ZNF362: variants seen among roughly 807,000 people sequenced by gnomAD.
The protein encoded by ZNF362 is zinc finger protein 362, also known as rotund homolog.
A neutral mutation model predicts 42.9 loss-of-function variants in ZNF362; 11 were observed. That is an observed-to-expected ratio of 0.26 (90% CI 0.16 to 0.42). The LOEUF is 0.42. Ranked by LOEUF, ZNF362 falls within the 20% of genes least tolerant of loss-of-function variation. The probability of loss-of-function intolerance (pLI) is 1.00; values close to 1 mark genes in which losing one functional copy is unlikely to be tolerated. For missense variants in ZNF362, 362 were observed against 576.2 expected (o/e 0.63, Z 3.81); for synonymous variants, 255 against 257.3 (o/e 0.99, Z 0.09).
At chr1:33,172,602 G>A in the ZNF362 span, among the ~76,000 whole-genome samples, 713 of 152,244 alleles carry the variant, frequency 4.7e-3, 7 homozygotes, top group African/African-American at 0.016. Context: ...TCAGAGGGTG[G>A]GGCTGTGGAG....
At chr1:33,152,307 C>T in the ZNF362 span, among the ~76,000 whole-genome samples, 20 of 152,248 alleles carry the variant, frequency 1.3e-4, no homozygotes, top group East Asian at 3.7e-3. Context: ...GGCTCACGCC[C>T]GTAATTCCAG....
At chr1:33,136,874 G>A in the ZNF362 span, among the ~76,000 whole-genome samples, 1 of 151,766 alleles carries the variant, frequency 6.6e-6, no homozygotes, top group East Asian at 2.0e-4. Flanking sequence ...GTGCGTGCTT[G>A]TAGTCCCAGC....
the ZNF362 span, chr1:33,142,185 G>A: frequency 6.6e-6 from 1 of 152,304 alleles, no homozygotes; most frequent in East Asian, 1.9e-4. Context: ...AACTGACCTT[G>A]TGGTGATGTG....
chr1:33,189,657 A>ACACG, the ZNF362 span, among the ~76,000 whole-genome samples: 3 of 102,010 alleles, frequency 2.9e-5, no homozygotes, highest in East Asian at 3.3e-4. Context: ...ATATATATAT[A>ACACG]TATATATATA....
chr1:33,159,743 G>T, the ZNF362 span: 392 of 1,612,914 alleles, frequency 2.4e-4, 2 homozygotes, highest in African/African-American at 4.7e-3. This position sits in a 1 kb window ranked among gnomAD's most constrained non-coding sequence, Gnocchi z 4.2. Flanking sequence ...GTTTCAGCCA[G>T]CCGCTCCTGC....
At chr1:33,287,405 G>T (rs911615519) in intron 6 of ZNF362, among the ~76,000 whole-genome samples, 10 of 152,210 alleles carry the variant, frequency 6.6e-5, no homozygotes, top group African/African-American at 1.9e-4. Context: ...AGGATTCCTT[G>T]AACCCAGGAG....
intron 6 of ZNF362, among the ~76,000 whole-genome samples, chr1:33,286,068 A>T (rs1316965287): frequency 6.6e-6 from 1 of 152,182 alleles, no homozygotes; most frequent in East Asian, 1.9e-4. Flanking sequence ...GTCTCAAAAA[A>T]CAAAAAAACA....
chr1:33,224,099 G>C, the ZNF362 span, among the ~76,000 whole-genome samples: 1 of 151,948 alleles, frequency 6.6e-6, no homozygotes, highest in Non-Finnish European at 1.5e-5. Flanking sequence ...TACTGAACAT[G>C]CAAAGAGACA....
rs1486346162 is a variant in ZNF362 at position 33,294,441 on chromosome 1, A to G, written c.909-496A>G. Among the ~76,000 whole-genome samples the G allele has an allele frequency of 6.6e-6, 1 of 152,180 alleles. No individual in the cohort carries two copies. The highest frequency in any genetic ancestry group is 2.4e-5 in the African/African-American group (1 of 41,442). On this transcript the variant is annotated intron_variant, in intron 6 of 8. Coordinates refer to ENST00000539719, the MANE Select transcript of ZNF362 (RefSeq NM_152493.3). The surrounding 1 kb of genome is among the most constrained non-coding windows in gnomAD (Gnocchi z 4.2). ...CATTCTCCCATTTACTGGGGTGACC[A>G]TGCAGCTGTCACGGAGATGTGCCTG...
chr1:33,205,271 C>T, the ZNF362 span, among the ~76,000 whole-genome samples: 1 of 151,192 alleles, frequency 6.6e-6, no homozygotes, highest in South Asian at 2.1e-4. Context: ...ATCACTTGAG[C>T]TCAGAAGTTC....
chr1:33,265,810 C>T (rs181737197), intron 1 of ZNF362, among the ~76,000 whole-genome samples: 3 of 152,120 alleles, frequency 2.0e-5, no homozygotes, highest in Non-Finnish European at 4.4e-5. Flanking sequence ...CCATGTCCCC[C>T]CTATGTTCTT....
At chr1:33,198,670 A>C in the ZNF362 span, among the ~76,000 whole-genome samples, 1 of 120,252 alleles carries the variant, frequency 8.3e-6, no homozygotes, top group Non-Finnish European at 1.8e-5. Flanking sequence ...CTGTATCAAA[A>C]ATTTAAAAAG....
chr1:33,248,174 A>G, the ZNF362 span, among the ~76,000 whole-genome samples: 1 of 152,216 alleles, frequency 6.6e-6, no homozygotes, highest in Admixed American at 6.5e-5. Flanking sequence ...CACAGGTACT[A>G]CTGGCCCATT....
the ZNF362 span, among the ~76,000 whole-genome samples, chr1:33,140,653 G>A: frequency 6.6e-5 from 10 of 152,198 alleles, no homozygotes; most frequent in Non-Finnish European, 1.2e-4. This position sits in a 1 kb window ranked among gnomAD's most constrained non-coding sequence, Gnocchi z 4.0. Flanking sequence ...ACTTACCTGG[G>A]ACTCCCTGCA....
At chr1:33,156,125 G>T in the ZNF362 span, among the ~76,000 whole-genome samples, 1 of 152,200 alleles carries the variant, frequency 6.6e-6, no homozygotes, top group Non-Finnish European at 1.5e-5. Flanking sequence ...CGCAGTCAAG[G>T]CTGGGCTGCA....
At chr1:33,254,549 G>A (rs1557783435), upstream of ZNF362, among the ~76,000 whole-genome samples, 2 of 152,178 alleles carry the variant, frequency 1.3e-5, no homozygotes, top group Non-Finnish European at 2.9e-5. Context: ...GAGTCTGTCT[G>A]TTTTTCTCAC....
the ZNF362 span, among the ~76,000 whole-genome samples, chr1:33,189,664 T>TACGTATATATATATACAC: frequency 1.0e-4 from 2 of 19,860 alleles, no homozygotes; most frequent in African/African-American, 2.2e-4. Context: ...TATATATATA[T>TACGTATATATATATACAC]ATATATATGT....
At chr1:33,139,776 A>AT in the ZNF362 span, among the ~76,000 whole-genome samples, 2 of 152,108 alleles carry the variant, frequency 1.3e-5, no homozygotes, top group African/African-American at 4.8e-5. Flanking sequence ...AGTGCTGAGG[A>AT]TGGGGGCAAG....
chr1:33,261,274 C>T (rs934840066), intron 1 of ZNF362: 2 of 152,236 alleles, frequency 1.3e-5, no homozygotes, highest in African/African-American at 4.8e-5. Flanking sequence ...TCCCTCCTAA[C>T]CAGGCCACCT....
Sources: allele counts gnomAD v4.1 joint callset (sites outside exome capture counted in the v4.1 genomes callset), GRCh38; gene constraint gnomAD v4.1.1; non-coding constraint Gnocchi (gnomAD v3.1); transcripts MANE v1.5; gene names NCBI Gene and HGNC (gene_info 2026-07-23, HGNC 2026-07-21).